The following ANKFN1 variants were observed in gnomAD, a reference collection of about 807,000 sequenced individuals.
The protein encoded by ANKFN1 is ankyrin repeat and fibronectin type-III domain-containing protein 1.
ANKFN1 carries 74 observed loss-of-function variants against 108.7 expected under a neutral mutation model. That is an observed-to-expected ratio of 0.68 (90% CI 0.56 to 0.83). ANKFN1 has a LOEUF of 0.83. Among genes scored for constraint, ANKFN1 ranks in the 40% least tolerant of loss-of-function variants. The probability of loss-of-function intolerance (pLI) is 0.00; values close to 1 mark genes in which losing one functional copy is unlikely to be tolerated. For missense variants in ANKFN1, 1,505 were observed against 1,382.3 expected (o/e 1.09, Z -1.41); for synonymous variants, 547 against 516.2 (o/e 1.06, Z -0.81).
chr17:56,511,445 C>T lies in ANKFN1; in HGVS notation c.*176C>T. The T allele has an allele frequency of 1.4e-6, 1 of 698,348 alleles. No homozygotes were observed. Among genetic ancestry groups the T allele is most frequent in the Non-Finnish European group, 2.3e-6 (1 of 434,534 alleles). The allele number at this position is 698,348 out of a possible 1,614,324, so 43.3% of individuals were successfully genotyped here. A position where few individuals can be genotyped will look rare whatever the true frequency, so the allele number is the denominator to read the frequency against. ...TTGGAACAGAGTGGTGGGTGGAGGC[C>T]AGAGTTGCCAGTGCCATTCCCACTT... On this transcript the variant is annotated 3_prime_UTR_variant, in exon 21 of 21. Transcript: ENST00000682825.
At chr17:56,456,501 G>A (rs2049705223) in intron 11 of ANKFN1, among the ~76,000 whole-genome samples, 3 of 148,918 alleles carry the variant, frequency 2.0e-5, no homozygotes, top group East Asian at 4.1e-4. Context: ...GGGTTCAAGC[G>A]ATTATCCTGC....
chr17:56,179,622 C>T (rs1911499100), intron 1 of ANKFN1, among the ~76,000 whole-genome samples: 1 of 152,150 alleles, frequency 6.6e-6, no homozygotes, highest in Non-Finnish European at 1.5e-5. Context: ...GGAAGAAAGG[C>T]CATCTGAGGC....
intron 1 of ANKFN1, among the ~76,000 whole-genome samples, chr17:56,204,601 G>T (rs374114602): frequency 1.3e-5 from 2 of 150,524 alleles, no homozygotes; most frequent in African/African-American, 2.4e-5. Context: ...TCGGCCTCCC[G>T]AAGTGCTGGG....
intron 1 of ANKFN1, among the ~76,000 whole-genome samples, chr17:56,211,382 T>G (rs1175356618): frequency 6.6e-6 from 1 of 152,230 alleles, no homozygotes; most frequent in Non-Finnish European, 1.5e-5. Flanking sequence ...CTTTATATTT[T>G]TGTTTGTTTT....
intron 5 of ANKFN1, among the ~76,000 whole-genome samples, chr17:56,353,343 C>T (rs1399250466): frequency 3.3e-5 from 5 of 151,838 alleles, no homozygotes; most frequent in Non-Finnish European, 7.4e-5. Flanking sequence ...AGGAGGTGAT[C>T]CTCCTGCCTC....
Position 56,498,883 on chromosome 17 carries a change from A to C in ANKFN1, c.2429A>C (p.Gln810Pro). ...RHQQVLDFIQ[Q>P]IDEVWREMRW... ...GTCTTTTACCATTTTATTCCAAAGC[A>C]AATAGATGAAGTCTGGCGTGAAATG... The change falls in exon 20 of 21, where the codon CAA becomes CCA. Residue 810 changes from glutamine to proline, a missense_variant and splice_region_variant. Transcript: ENST00000682825. 2 of 1,535,218 alleles carry C rather than the reference A, an allele frequency of 1.3e-6. No homozygotes were observed. The highest frequency in any genetic ancestry group is 1.7e-6 in the Non-Finnish European group (2 of 1,146,186).
intron 3 of ANKFN1, among the ~76,000 whole-genome samples, chr17:56,261,691 G>A (rs769785331): frequency 6.6e-6 from 1 of 152,204 alleles, no homozygotes; most frequent in Non-Finnish European, 1.5e-5. Flanking sequence ...AAGGCTGGAA[G>A]ACTCAGCCAG....
intron 8 of ANKFN1, among the ~76,000 whole-genome samples, chr17:56,418,161 G>A (rs2048295974): frequency 6.6e-6 from 1 of 152,102 alleles, no homozygotes. Context: ...TTTATTTCCT[G>A]ATGTTTTGTT....
Position 56,511,145 on chromosome 17 carries a change from C to G in ANKFN1, c.3317C>G (p.Pro1106Arg), listed in dbSNP as rs1276674523. ...AAAVVAQDEK[P>R]WASLSPPSGG... is the part of the protein sequence containing the mutation. ...GCCGTGGTGGCCCAGGACGAAAAAC[C>G]ATGGGCAAGCTTGAGCCCGCCCTCT... Residue 1106 changes from proline (P) to arginine (R), a missense_variant, in exon 21 of 21, where the codon CCA becomes CGA. Pro to Arg is a moderately radical substitution (Grantham distance 103). Coordinates refer to ENST00000682825, the MANE Select transcript of ANKFN1 (RefSeq NM_001370326.1). The G allele has an allele frequency of 5.2e-6, 8 of 1,536,058 alleles. 1 individual carries two copies. Among genetic ancestry groups the G allele is most frequent in the South Asian group, 1.2e-5 (1 of 84,054 alleles).
intron 3 of ANKFN1, among the ~76,000 whole-genome samples, chr17:56,244,997 C>A (rs938852111): frequency 2.6e-5 from 4 of 152,034 alleles, no homozygotes; most frequent in African/African-American, 9.7e-5. Context: ...AATATATGAA[C>A]CATACATTGC....
chr17:56,256,295 T>C (rs1009717720), intron 3 of ANKFN1, among the ~76,000 whole-genome samples: 1 of 152,226 alleles, frequency 6.6e-6, no homozygotes, highest in African/African-American at 2.4e-5. Flanking sequence ...AAATAATTAT[T>C]TGCAAATTGT....
chr17:56,247,181 T>C (rs1044469152), intron 3 of ANKFN1, among the ~76,000 whole-genome samples: 2 of 152,216 alleles, frequency 1.3e-5, no homozygotes, highest in Non-Finnish European at 2.9e-5. Flanking sequence ...GCAGAAAACA[T>C]TGGCATTGCC....
intron 4 of ANKFN1, among the ~76,000 whole-genome samples, chr17:56,060,961 G>T (rs1277886160): frequency 6.6e-6 from 1 of 152,168 alleles, no homozygotes; most frequent in African/African-American, 2.4e-5. Context: ...ATGAGTTAGG[G>T]AGGAGTCCCT....
intron 1 of ANKFN1, among the ~76,000 whole-genome samples, chr17:56,179,412 C>T (rs890557221): frequency 6.6e-5 from 10 of 152,166 alleles, no homozygotes; most frequent in African/African-American, 2.2e-4. Flanking sequence ...TTGGTACATC[C>T]CTGCCCTGTT....
chr17:56,440,256 G>A, intron 8 of ANKFN1, 71 bp from the exon 9 acceptor site: 1 of 900,120 alleles, frequency 1.1e-6, no homozygotes, highest in Non-Finnish European at 1.8e-6. Context: ...AGTTTCTATG[G>A]TACTTCTTGA....
chr17:56,491,581 AAATGGTCTGTCCAAGC>A (rs2051041262), intron 18 of ANKFN1, among the ~76,000 whole-genome samples: 2 of 152,190 alleles, frequency 1.3e-5, no homozygotes, highest in South Asian at 4.1e-4. Context: ...TGAAGACAAG[AAATGGTCTGTCCAAGC>A]AACAGCTCAT....
At chr17:56,244,066 A>G (rs574268032) in intron 3 of ANKFN1, among the ~76,000 whole-genome samples, 1 of 152,112 alleles carries the variant, frequency 6.6e-6, no homozygotes, top group East Asian at 1.9e-4. Flanking sequence ...TGCTGTTTGG[A>G]GAGAAGTTCT....
intron 1 of ANKFN1, among the ~76,000 whole-genome samples, chr17:56,182,168 C>T (rs1322363041): frequency 6.6e-6 from 1 of 152,152 alleles, no homozygotes; most frequent in East Asian, 1.9e-4. Flanking sequence ...AATAACCCTA[C>T]ATTGGTCTGT....
chr17:56,104,669 T>A (rs968084083), intron 4 of ANKFN1, among the ~76,000 whole-genome samples: 7 of 152,158 alleles, frequency 4.6e-5, no homozygotes, highest in Non-Finnish European at 1.0e-4. Flanking sequence ...GCATGACAAA[T>A]ACAAGACAGA....
Sources: allele counts gnomAD v4.1 joint callset (sites outside exome capture counted in the v4.1 genomes callset), GRCh38; gene constraint gnomAD v4.1.1; transcripts MANE v1.5; gene names NCBI Gene and HGNC (gene_info 2026-07-23, HGNC 2026-07-21).